Variants in HSPBAP1 observed in about 807,000 individuals in gnomAD.
HSPBAP1 encodes the protein HSPB1-associated protein 1.
A neutral mutation model predicts 45.2 loss-of-function variants in HSPBAP1; 27 were observed. The observed-to-expected ratio is 0.60, with a 90% CI of 0.44 to 0.82. HSPBAP1 has a LOEUF of 0.82. Ranked by LOEUF, HSPBAP1 falls within the 40% of genes least tolerant of loss-of-function variation. The probability of loss-of-function intolerance (pLI) is 0.00; values close to 1 mark genes in which losing one functional copy is unlikely to be tolerated. For missense variants in HSPBAP1, 510 were observed against 590.9 expected, an observed-to-expected ratio of 0.86 and a Z score of 1.42; for synonymous variants, 204 against 202.7, an observed-to-expected ratio of 1.01 and a Z score of -0.06.
intron 6 of HSPBAP1, among the ~76,000 whole-genome samples, chr3:122,744,176 C>T (rs1397751709): frequency 1.3e-5 from 2 of 151,844 alleles, no homozygotes; most frequent in Non-Finnish European, 2.9e-5. Context: ...TTAAAATTAA[C>T]AAAATATTTT....
chr3:122,775,681 T>C lies in HSPBAP1; in HGVS notation c.250+2040A>G, dbSNP rs140136149. 8.1e-3 allele frequency among the ~76,000 whole-genome samples: 1,232 copies of C among 152,226 alleles called. 10 individuals are homozygous for C. Among genetic ancestry groups the C allele is most frequent in the African/African-American group, 0.026 (1,077 of 41,532 alleles). On this transcript the variant is annotated intron_variant, in intron 2 of 7. Transcript: ENST00000306103. ...TGGAAAAAACTGGAACTCTCATACA[T>C]TGAAGGTGAGAATATAAAATGATGC...
chr3:122,752,836 T>C, intron 5 of HSPBAP1, 162 bp from the exon 6 acceptor site: 1 of 1,386,000 alleles, frequency 7.2e-7, no homozygotes, highest in Non-Finnish European at 9.3e-7. Flanking sequence ...CCGCAAACCT[T>C]TTTTCCTTTT....
At chr3:122,783,464 C>T (rs1047705395) in intron 1 of HSPBAP1, among the ~76,000 whole-genome samples, 9 of 152,266 alleles carry the variant, frequency 5.9e-5, no homozygotes, top group South Asian at 4.1e-4. Flanking sequence ...TTGTACAAAA[C>T]GTCAAATTTC....
Position 122,755,444 on chromosome 3 carries a change from A to AG in HSPBAP1, c.570-14_570-13insC. 6.8e-7 allele frequency: 1 copy of AG among 1,460,074 alleles called. No individual in the cohort carries two copies. The highest frequency in any genetic ancestry group is 9.1e-7 in the Non-Finnish European group (1 of 1,098,356). 90.4% of individuals were successfully genotyped at this position (1,460,074 alleles called of 1,614,324 possible). ...ATGCCATCGTTTCCTAATTAAAAAA[A>AG]AAAAAAAAAGATACAAGTTAGTACT... On this transcript the variant is annotated splice_polypyrimidine_tract_variant and intron_variant, in intron 4 of 7. Coordinates refer to ENST00000306103, the MANE Select transcript of HSPBAP1 (RefSeq NM_024610.6).
chr3:122,748,441 T>C (rs1934005543), intron 6 of HSPBAP1, among the ~76,000 whole-genome samples: 1 of 151,680 alleles, frequency 6.6e-6, no homozygotes, highest in Non-Finnish European at 1.5e-5. Flanking sequence ...GTGAAAAACT[T>C]CCAAATGGAT....
At chr3:122,761,342 A>C (rs1477697981) in intron 3 of HSPBAP1, among the ~76,000 whole-genome samples, 1 of 152,170 alleles carries the variant, frequency 6.6e-6, no homozygotes, top group East Asian at 1.9e-4. Flanking sequence ...GACCAACCCC[A>C]CATGAAAAAC....
chr3:122,779,720 T>C (rs1935341556), intron 1 of HSPBAP1, among the ~76,000 whole-genome samples: 3 of 149,970 alleles, frequency 2.0e-5, no homozygotes, highest in South Asian at 2.1e-4. Flanking sequence ...TTAACGAGCA[T>C]GCTGCCTTCA....
At chr3:122,766,289 T>A (rs565509951) in intron 3 of HSPBAP1, among the ~76,000 whole-genome samples, 1 of 152,302 alleles carries the variant, frequency 6.6e-6, no homozygotes, top group South Asian at 2.1e-4. Context: ...TTATGACAGA[T>A]ATAAGAAAGC....
chr3:122,743,983 A>T (rs150749608), intron 6 of HSPBAP1, among the ~76,000 whole-genome samples: 5 of 152,312 alleles, frequency 3.3e-5, no homozygotes, highest in Admixed American at 2.0e-4. Context: ...ACTGCACTCC[A>T]GCCTGGGCAA....
intron 1 of HSPBAP1, among the ~76,000 whole-genome samples, chr3:122,782,824 G>C: frequency 6.6e-6 from 1 of 152,302 alleles, no homozygotes; most frequent in East Asian, 1.9e-4. Context: ...GATAGGGAAG[G>C]AATCATCAAA....
Position 122,740,766 on chromosome 3 carries a change from G to C in HSPBAP1, c.1046C>G (p.Thr349Arg), listed in dbSNP as rs996759698. 1 of 1,614,042 alleles carries C rather than the reference G, an allele frequency of 6.2e-7. No individual in the cohort carries two copies. The highest frequency in any genetic ancestry group is 8.5e-7 in the Non-Finnish European group (1 of 1,180,042). The change falls in exon 8 of 8, where the codon ACA (threonine) becomes AGA (arginine). Residue 349 changes from threonine (T) to arginine (R), a missense_variant. Physicochemically the swap from Thr to Arg is moderately conservative, Grantham distance 71 (BLOSUM62 -1). Coordinates refer to ENST00000306103, the MANE Select transcript of HSPBAP1 (RefSeq NM_024610.6). ...SEVVEIQALR[T>R]DGEHMKKEEL... Reference sequence around the variant, plus strand: ...TTCCTTTTTCATGTGCTCTCCATCTGTTCTCAGTGCTTGGATTTCTACTAC... The same window carrying C: ...TTCCTTTTTCATGTGCTCTCCATCTCTTCTCAGTGCTTGGATTTCTACTAC...
chr3:122,784,526 T>C (rs1459886981), intron 1 of HSPBAP1, among the ~76,000 whole-genome samples: 1 of 152,192 alleles, frequency 6.6e-6, no homozygotes, highest in East Asian at 1.9e-4. Context: ...GAGGGCTGTC[T>C]AGAAATATGT....
Position 122,777,920 on chromosome 3 carries a change from T to C in HSPBAP1, c.65-14A>G, listed in dbSNP as rs1285768695. The C allele has an allele frequency of 6.3e-7, 1 of 1,586,320 alleles. No homozygotes were observed. The highest frequency in any genetic ancestry group is 1.1e-5 in the South Asian group (1 of 89,932). On this transcript the variant is annotated splice_polypyrimidine_tract_variant and intron_variant, in intron 1 of 7. Transcript: ENST00000306103. ...TGACATGTTCACCTAGAAAGAGAAA[T>C]GAATACAGCAATAGATAGAAAACTA...
Position 122,759,258 on chromosome 3 carries a change from A to G in HSPBAP1, c.535T>C (p.Tyr179His), listed in dbSNP as rs781023739. ...ACCTGGAATACCAAGTTACAACCATAGGAGTCCAGATGACAGGGTGTGTGG... is the reference window on the plus strand; with the variant it reads ...ACCTGGAATACCAAGTTACAACCATGGGAGTCCAGATGACAGGGTGTGTGG... ...GAHTPCHLDS[Y>H]GCNLVFQVQG... The change falls in exon 4 of 8, where the codon TAT (tyrosine) becomes CAT (histidine). Residue 179 changes from tyrosine to histidine, a missense_variant. Tyr to His is a moderately conservative substitution (Grantham distance 83, BLOSUM62 2). Transcript: ENST00000306103. 1.2e-6 allele frequency: 2 copies of G among 1,613,806 alleles called. No individual in the cohort carries two copies. The highest frequency in any genetic ancestry group is 1.7e-6 in the Non-Finnish European group (2 of 1,179,892).
At chr3:122,790,233 T>G (rs1935782276) in intron 1 of HSPBAP1, among the ~76,000 whole-genome samples, 1 of 152,222 alleles carries the variant, frequency 6.6e-6, no homozygotes. Flanking sequence ...TCTATTTTTC[T>G]GCAAAGACTG....
In HSPBAP1 at chr3:122,765,400, G is replaced by A. The variant is rs1934741597; in HGVS notation, c.432+3301C>T. Among the ~76,000 whole-genome samples, 3 of 152,130 alleles carry A rather than the reference G, an allele frequency of 2.0e-5. No individual in the cohort carries two copies. The South Asian group carries it at 6.2e-4, about 32-fold the overall frequency. Reference sequence around the variant, plus strand: ...GTTCGAGGCCAGCCTGGCCAACATGGTGAAACCCCGTTTCTACTAAAAATC... The same window carrying A: ...GTTCGAGGCCAGCCTGGCCAACATGATGAAACCCCGTTTCTACTAAAAATC... On this transcript the variant is annotated intron_variant, in intron 3 of 7. Coordinates refer to ENST00000306103, the MANE Select transcript of HSPBAP1 (RefSeq NM_024610.6).
At chr3:122,758,451 G>C (rs1934435799) in intron 4 of HSPBAP1, among the ~76,000 whole-genome samples, 1 of 152,200 alleles carries the variant, frequency 6.6e-6, no homozygotes, top group African/African-American at 2.4e-5. Flanking sequence ...AAAGCGTCCA[G>C]TATTTTTCAA....
intron 1 of HSPBAP1, among the ~76,000 whole-genome samples, chr3:122,779,491 C>A (rs1189640026): frequency 2.7e-5 from 2 of 74,616 alleles, no homozygotes; most frequent in Admixed American, 1.1e-4. Flanking sequence ...AATATGTTTT[C>A]TTTTATTTAT....
At chr3:122,767,407 G>T (rs1934824566) in intron 3 of HSPBAP1, among the ~76,000 whole-genome samples, 1 of 152,164 alleles carries the variant, frequency 6.6e-6, no homozygotes, top group Admixed American at 6.5e-5. Context: ...GGGCATGGCG[G>T]CAGTCACCTG....
Sources: allele counts gnomAD v4.1 joint callset (sites outside exome capture counted in the v4.1 genomes callset), GRCh38; gene constraint gnomAD v4.1.1; transcripts MANE v1.5; gene names NCBI Gene and HGNC (gene_info 2026-07-23, HGNC 2026-07-21).